SH3RF1: variants seen among roughly 807,000 people sequenced by gnomAD.
SH3RF1 encodes the protein SH3 domain containing ring finger 1.
Under a neutral mutation model 74.0 loss-of-function variants are expected in SH3RF1, and 32 were observed. The ratio of observed to expected loss-of-function variants is 0.43; its 90% CI spans 0.33 to 0.58. SH3RF1 has a LOEUF of 0.58. Ranked by LOEUF, SH3RF1 falls within the 20% of genes least tolerant of loss-of-function variation. The pLI, the probability that SH3RF1 is intolerant of heterozygous loss-of-function variation, is 0.05. For synonymous variants in SH3RF1, 396 were observed against 439.6 expected, an observed-to-expected ratio of 0.90 and a Z score of 1.24; for missense variants, 954 against 1,130.9, an observed-to-expected ratio of 0.84 and a Z score of 2.24.
At chr4:169,242,593 T>C (rs1249013353) in intron 2 of SH3RF1, among the ~76,000 whole-genome samples, 1 of 152,170 alleles carries the variant, frequency 6.6e-6, no homozygotes, top group Non-Finnish European at 1.5e-5. Flanking sequence ...TTTGAATGTG[T>C]CACCCAAAAT....
intron 2 of SH3RF1, among the ~76,000 whole-genome samples, chr4:169,171,388 A>G (rs1487469913): frequency 1.3e-5 from 2 of 152,214 alleles, no homozygotes; most frequent in East Asian, 3.8e-4. Flanking sequence ...ATCTCAGAAC[A>G]GTCTCATTAA....
chr4:169,199,221 C>A (rs914311476), intron 2 of SH3RF1, among the ~76,000 whole-genome samples: 1 of 152,144 alleles, frequency 6.6e-6, no homozygotes, highest in African/African-American at 2.4e-5. Context: ...TATGCATGGA[C>A]AATTTCAAAG....
intron 2 of SH3RF1, among the ~76,000 whole-genome samples, chr4:169,221,548 A>T (rs773006724): frequency 2.0e-5 from 3 of 152,234 alleles, no homozygotes; most frequent in African/African-American, 4.8e-5. Flanking sequence ...GAAAACATTA[A>T]CATTGGAAAA....
At chr4:169,171,006 A>G (rs1290032387) in intron 2 of SH3RF1, among the ~76,000 whole-genome samples, 2 of 152,222 alleles carry the variant, frequency 1.3e-5, no homozygotes, top group Non-Finnish European at 2.9e-5. Flanking sequence ...TTTAAACTTA[A>G]TTTTAGGCTA....
At chr4:169,243,924 A>G (rs774063261) in intron 2 of SH3RF1, among the ~76,000 whole-genome samples, 9 of 152,226 alleles carry the variant, frequency 5.9e-5, no homozygotes, top group Non-Finnish European at 1.3e-4. Flanking sequence ...AGATACTTTT[A>G]CTTAAATAAC....
At chr4:169,257,679 C>A (rs1056716788) in intron 2 of SH3RF1, among the ~76,000 whole-genome samples, 2 of 152,220 alleles carry the variant, frequency 1.3e-5, no homozygotes, top group Admixed American at 1.3e-4. Context: ...AAGTGCAGGA[C>A]ATTTTAATAT....
chr4:169,169,627 C>T (rs1438314011), intron 2 of SH3RF1, among the ~76,000 whole-genome samples: 3 of 152,014 alleles, frequency 2.0e-5, no homozygotes, highest in African/African-American at 7.2e-5. Flanking sequence ...AAAATAAAAA[C>T]TCAGACATCC....
chr4:169,136,639 A>G lies in SH3RF1; in HGVS notation c.766-19T>C. 1 of 1,478,856 alleles carries G rather than the reference A, an allele frequency of 6.8e-7. No individual in the cohort carries two copies. The highest frequency in any genetic ancestry group is 1.5e-5 in the South Asian group (1 of 68,514). 91.6% of individuals were successfully genotyped at this position (1,478,856 alleles called of 1,614,324 possible). A position where few individuals can be genotyped will look rare whatever the true frequency, so the allele number is the denominator to read the frequency against. ...AGTTAAACTGCAAAAGCAACCAACA[A>G]ACCAACACAAGAAGGTTAAACAATT... On this transcript the variant is annotated intron_variant, in intron 4 of 11. Coordinates refer to ENST00000284637, the MANE Select transcript of SH3RF1 (RefSeq NM_020870.4).
chr4:169,161,644 G>A (rs1734149342), intron 2 of SH3RF1, among the ~76,000 whole-genome samples: 1 of 152,138 alleles, frequency 6.6e-6, no homozygotes, highest in Non-Finnish European at 1.5e-5. Flanking sequence ...GCTCCATAAA[G>A]TAAAAAAGAT....
intron 2 of SH3RF1, among the ~76,000 whole-genome samples, chr4:169,191,766 A>G (rs1734716010): frequency 6.6e-6 from 1 of 152,170 alleles, no homozygotes; most frequent in African/African-American, 2.4e-5. Context: ...GATCTTCGAC[A>G]AGGCAAACAA....
At chr4:169,178,976 T>C (rs906212213) in intron 2 of SH3RF1, among the ~76,000 whole-genome samples, 33 of 152,332 alleles carry the variant, frequency 2.2e-4, no homozygotes, top group East Asian at 3.9e-4. Context: ...ATACATTGCA[T>C]AGTAGACCCT....
intron 11 of SH3RF1, among the ~76,000 whole-genome samples, chr4:169,097,222 T>C (rs1732947461): frequency 6.6e-6 from 1 of 152,150 alleles, no homozygotes; most frequent in Non-Finnish European, 1.5e-5. Flanking sequence ...CCTACGTCCC[T>C]TACACTGGTG....
chr4:169,269,383 A>T, intron 1 of SH3RF1, 76 bp from the exon 2 acceptor site: 1 of 663,026 alleles, frequency 1.5e-6, no homozygotes, highest in East Asian at 2.8e-5. Flanking sequence ...GGAGCCAAGA[A>T]TCAAAAAGTA....
intron 2 of SH3RF1, among the ~76,000 whole-genome samples, chr4:169,180,108 G>GCCAGACCATCTGCGTGA (rs1734483402): frequency 6.6e-6 from 1 of 152,226 alleles, no homozygotes; most frequent in Non-Finnish European, 1.5e-5. Flanking sequence ...AACAGCCAAA[G>GCCAGACCATCTGCGTGA]CCAGACCATC....
intron 11 of SH3RF1, among the ~76,000 whole-genome samples, chr4:169,099,626 C>T (rs1354187535): frequency 6.6e-6 from 1 of 152,112 alleles, no homozygotes; most frequent in Non-Finnish European, 1.5e-5. Context: ...ATATTCCCTA[C>T]TTGTTCTCTG....
At chr4:169,186,351 TA>T (rs954546871) in intron 2 of SH3RF1, among the ~76,000 whole-genome samples, 16 of 146,554 alleles carry the variant, frequency 1.1e-4, no homozygotes, top group African/African-American at 3.3e-4. Context: ...ACTTAAAAGT[TA>T]AAAAAAAAAC....
At chr4:169,131,598 G>GT (rs1264009276) in intron 5 of SH3RF1, among the ~76,000 whole-genome samples, 1 of 152,224 alleles carries the variant, frequency 6.6e-6, no homozygotes, top group Non-Finnish European at 1.5e-5. Flanking sequence ...ACCTAAGGCT[G>GT]TTTCACGCTG....
intron 2 of SH3RF1, among the ~76,000 whole-genome samples, chr4:169,196,903 A>AT (rs142798045): frequency 0.017 from 2,538 of 152,286 alleles, 74 homozygotes; most frequent in African/African-American, 0.056. Context: ...GTTAATCTCT[A>AT]TTTTTAAGTC....
At chr4:169,110,996 C>T (rs1238678483) in intron 10 of SH3RF1, among the ~76,000 whole-genome samples, 1 of 151,980 alleles carries the variant, frequency 6.6e-6, no homozygotes, top group African/African-American at 2.4e-5. Context: ...AACAATTACA[C>T]AATTGTACTA....
Sources: gnomAD v4.1 joint callset for allele counts (sites outside exome capture counted in the v4.1 genomes callset) on GRCh38, gnomAD v4.1.1 for gene constraint, MANE v1.5 for transcripts, NCBI Gene and HGNC (gene_info 2026-07-23, HGNC 2026-07-21) for gene names.